The following EVI5 variants were observed in gnomAD, a reference collection of about 807,000 sequenced individuals.
EVI5 encodes the protein ecotropic viral integration site 5 protein homolog.
EVI5 carries 73 observed loss-of-function variants against 112.0 expected under a neutral mutation model. That is an observed-to-expected ratio of 0.65 (90% confidence interval 0.54 to 0.79). EVI5 has a LOEUF of 0.79. Ranked by LOEUF, EVI5 falls within the 30% of genes least tolerant of loss-of-function variation. EVI5 has a pLI of 0.00. For synonymous variants in EVI5, 305 were observed against 319.9 expected (o/e 0.95, Z 0.50); for missense variants, 900 against 968.8 (o/e 0.93, Z 0.94).
At chr1:92,702,942 G>A (rs1671432984) in intron 4 of EVI5, among the ~76,000 whole-genome samples, 1 of 152,100 alleles carries the variant, frequency 6.6e-6, no homozygotes, top group Non-Finnish European at 1.5e-5. Context: ...AAAAGAAAAA[G>A]TAACTGTGGG....
chr1:92,757,589 T>G (rs913340042), intron 1 of EVI5, among the ~76,000 whole-genome samples: 2 of 151,664 alleles, frequency 1.3e-5, no homozygotes, highest in African/African-American at 2.4e-5. Flanking sequence ...CTGGAGTAGA[T>G]CTCTTATTTT....
chr1:92,758,928 AT>A (rs1381597619), intron 1 of EVI5, among the ~76,000 whole-genome samples: 1 of 152,150 alleles, frequency 6.6e-6, no homozygotes, highest in African/African-American at 2.4e-5. Flanking sequence ...ATACTGTCTA[AT>A]GTAATTTTGT....
At chr1:92,601,119 C>A (rs1414672560) in intron 18 of EVI5, among the ~76,000 whole-genome samples, 2 of 152,082 alleles carry the variant, frequency 1.3e-5, no homozygotes, top group African/African-American at 4.8e-5. Context: ...ACAAATTTGG[C>A]AATTAGGATT....
At chr1:92,550,150 T>C (rs1478559497) in intron 19 of EVI5, among the ~76,000 whole-genome samples, 1 of 152,046 alleles carries the variant, frequency 6.6e-6, no homozygotes, top group Non-Finnish European at 1.5e-5. Context: ...ATATATACCA[T>C]GGAATATTAT....
At chr1:92,679,352 G>A (rs773595423) in intron 9 of EVI5, among the ~76,000 whole-genome samples, 7 of 152,148 alleles carry the variant, frequency 4.6e-5, no homozygotes, top group Non-Finnish European at 1.0e-4. Context: ...ATTTATTAAA[G>A]ACTCCAAAGA....
chr1:92,704,517 G>A, intron 3 of EVI5, 38 bp downstream of exon 3: 1 of 1,324,578 alleles, frequency 7.5e-7, no homozygotes, highest in Non-Finnish European at 1.0e-6. Context: ...GACGCACTAT[G>A]GAATAAGAAT....
chr1:92,771,702 G>A (rs1040353816), intron 1 of EVI5, among the ~76,000 whole-genome samples: 4 of 151,462 alleles, frequency 2.6e-5, no homozygotes, highest in African/African-American at 4.8e-5. Flanking sequence ...CACCTCCCAA[G>A]GTTCAAGCAA....
intron 18 of EVI5, among the ~76,000 whole-genome samples, chr1:92,572,472 C>T (rs1197069059): frequency 6.6e-6 from 1 of 152,028 alleles, no homozygotes; most frequent in Non-Finnish European, 1.5e-5. Flanking sequence ...CTATCATCTG[C>T]TAAAAAGTAA....
At position 92,512,646 on chromosome 1, in the gene EVI5, C is replaced by A. The variant is rs552802932; in HGVS notation, c.*1010G>T. On this transcript the variant is annotated 3_prime_UTR_variant, in exon 20 of 20. Coordinates refer to ENST00000684568, the MANE Select transcript of EVI5 (RefSeq NM_001350197.2). ...AAACAGTATGTCTGTAGTTAACCTA[C>A]TACTCTAGTAACCAACACATGGAAG... The A allele has an allele frequency of 1.3e-5, 2 of 152,178 alleles. No individual in the cohort carries two copies. Among genetic ancestry groups the A allele is most frequent in the East Asian group, 3.8e-4 (2 of 5,202 alleles). The allele number at this position is 152,178 out of a possible 1,614,324, so 9.4% of individuals were successfully genotyped here.
At chr1:92,558,772 TG>T (rs1668052919) in intron 19 of EVI5, among the ~76,000 whole-genome samples, 1 of 147,166 alleles carries the variant, frequency 6.8e-6, no homozygotes, top group African/African-American at 2.5e-5. Flanking sequence ...GAAGTTAAGG[TG>T]GAAGGATCAC....
intron 19 of EVI5, among the ~76,000 whole-genome samples, chr1:92,550,048 A>G (rs1050879797): frequency 6.6e-6 from 1 of 151,978 alleles, no homozygotes; most frequent in East Asian, 1.9e-4. Flanking sequence ...ACACATGCAC[A>G]TATGTTTACT....
At chr1:92,664,021 C>A (rs927064716) in intron 11 of EVI5, among the ~76,000 whole-genome samples, 1 of 152,176 alleles carries the variant, frequency 6.6e-6, no homozygotes, top group African/African-American at 2.4e-5. Context: ...GTGCGGGGAT[C>A]ATAGGCGTGA....
chr1:92,621,141 A>G (rs552626908), intron 16 of EVI5, among the ~76,000 whole-genome samples: 2 of 152,194 alleles, frequency 1.3e-5, no homozygotes, highest in Non-Finnish European at 2.9e-5. Context: ...TGGAATCACA[A>G]TAAATATCTA....
At chr1:92,779,861 T>C (rs949968330) in intron 1 of EVI5, among the ~76,000 whole-genome samples, 1 of 152,076 alleles carries the variant, frequency 6.6e-6, no homozygotes, top group Non-Finnish European at 1.5e-5. Context: ...TGGAGAGGCA[T>C]GGGGCTAAAG....
intron 19 of EVI5, among the ~76,000 whole-genome samples, chr1:92,536,847 TAC>T (rs1004364188): frequency 6.6e-6 from 1 of 152,146 alleles, no homozygotes; most frequent in Non-Finnish European, 1.5e-5. Context: ...CTTAAAAAAT[TAC>T]AGTTGATTTT....
chr1:92,605,215 C>T, intron 18 of EVI5, 92 bp downstream of exon 18: 1 of 855,030 alleles, frequency 1.2e-6, no homozygotes, highest in Non-Finnish European at 1.9e-6. Context: ...AAAAGAATCA[C>T]AGTCACGAGG....
At chr1:92,740,964 C>T (rs776493591) in intron 1 of EVI5, among the ~76,000 whole-genome samples, 1 of 152,086 alleles carries the variant, frequency 6.6e-6, no homozygotes, top group African/African-American at 2.4e-5. Flanking sequence ...CTAAACTCTA[C>T]GTAGATTCCA....
intron 10 of EVI5, among the ~76,000 whole-genome samples, chr1:92,670,477 T>G (rs1200965070): frequency 2.6e-5 from 4 of 152,324 alleles, no homozygotes; most frequent in African/African-American, 9.6e-5. Context: ...CTCCCTTGCT[T>G]TTAAGCCCCC....
intron 18 of EVI5, among the ~76,000 whole-genome samples, chr1:92,589,349 G>A (rs144635133): frequency 0.018 from 2,665 of 152,202 alleles, 92 homozygotes; most frequent in African/African-American, 0.06. Flanking sequence ...AAGGGGTCAG[G>A]GAATTCCCTT....
Sources: allele counts gnomAD v4.1 joint callset (sites outside exome capture counted in the v4.1 genomes callset), GRCh38; gene constraint gnomAD v4.1.1; transcripts MANE v1.5; gene names NCBI Gene and HGNC (gene_info 2026-07-23, HGNC 2026-07-21).